RPS6KA2: variants seen among roughly 807,000 people sequenced by gnomAD.
RPS6KA2 encodes ribosomal protein S6 kinase A2.
In RPS6KA2, 42 loss-of-function variants were observed where a neutral mutation model predicts 91.8. That is an observed-to-expected ratio of 0.46 (90% confidence interval 0.36 to 0.59). RPS6KA2 has a LOEUF of 0.59. Ranked by LOEUF, RPS6KA2 falls within the 20% of genes least tolerant of loss-of-function variation. RPS6KA2 has a pLI of 0.00. For missense variants in RPS6KA2, 798 were observed against 978.5 expected (o/e 0.82, Z 2.46); for synonymous variants, 414 against 393.6 (o/e 1.05, Z -0.61).
intron 10 of RPS6KA2, among the ~76,000 whole-genome samples, chr6:166,476,652 T>A (rs892294317): frequency 6.7e-6 from 1 of 148,870 alleles, no homozygotes; most frequent in Non-Finnish European, 1.5e-5. Flanking sequence ...GCAGAGAGGG[T>A]CCCCTCTCTC....
intron 2 of RPS6KA2, among the ~76,000 whole-genome samples, chr6:166,773,953 T>C (rs1034469223): frequency 6.6e-6 from 1 of 152,210 alleles, no homozygotes; most frequent in Non-Finnish European, 1.5e-5. Flanking sequence ...CAGACAAATA[T>C]TTTTGTGTGT....
chr6:166,811,582 C>G (rs1355905119), intron 2 of RPS6KA2, among the ~76,000 whole-genome samples: 1 of 152,212 alleles, frequency 6.6e-6, no homozygotes, highest in Non-Finnish European at 1.5e-5. Context: ...TATAATCATG[C>G]TACTGCACTC....
At chr6:166,546,632 T>C (rs1388996186) in intron 1 of RPS6KA2, among the ~76,000 whole-genome samples, 1 of 152,170 alleles carries the variant, frequency 6.6e-6, no homozygotes, top group African/African-American at 2.4e-5. Context: ...ACTACAGTCA[T>C]ATCCCAGTGA....
chr6:166,711,918 T>C (rs922231158), intron 2 of RPS6KA2, among the ~76,000 whole-genome samples: 1 of 151,584 alleles, frequency 6.6e-6, no homozygotes, highest in African/African-American at 2.4e-5. Flanking sequence ...GCAAGACTGA[T>C]TGACAGAGAG....
chr6:166,860,983 A>G (rs536852660), intron 1 of RPS6KA2, among the ~76,000 whole-genome samples: 11 of 152,214 alleles, frequency 7.2e-5, no homozygotes, highest in Non-Finnish European at 1.5e-4. Flanking sequence ...CATGAGCAGC[A>G]GTATCTGGGC....
chr6:166,590,152 A>C (rs1785310285), intron 1 of RPS6KA2, among the ~76,000 whole-genome samples: 1 of 152,220 alleles, frequency 6.6e-6, no homozygotes, highest in African/African-American at 2.4e-5. Flanking sequence ...TAAAGACTAA[A>C]TCTATTTGAT....
chr6:166,470,984 G>A (rs564839599), intron 10 of RPS6KA2, among the ~76,000 whole-genome samples: 19 of 152,160 alleles, frequency 1.2e-4, no homozygotes, highest in Non-Finnish European at 1.9e-4. Context: ...GGGCAGTGGC[G>A]GCGGTGGCTG....
At chr6:166,728,371 C>T (rs375011450) in intron 2 of RPS6KA2, among the ~76,000 whole-genome samples, 52 of 152,270 alleles carry the variant, frequency 3.4e-4, no homozygotes, top group African/African-American at 1.1e-3. Context: ...AGGGGTCCCC[C>T]GGGGTCTCGT....
Position 166,418,950 on chromosome 6 carries a change from C to T in RPS6KA2, c.1821-608G>A, listed in dbSNP as rs775730375. Among the ~76,000 whole-genome samples the T allele has an allele frequency of 9.2e-5, 14 of 152,156 alleles. No homozygotes were observed. Among genetic ancestry groups the T allele is most frequent in the South Asian group, 6.2e-4 (3 of 4,834 alleles). ...TGGGAAAGTGTGTGATCTAGTTTTCCGTATAGGCAAAGTGAGTATTAGAAG... is the reference window on the plus strand; with the variant it reads ...TGGGAAAGTGTGTGATCTAGTTTTCTGTATAGGCAAAGTGAGTATTAGAAG... On this transcript the variant is annotated intron_variant, in intron 18 of 20. Coordinates refer to ENST00000265678, the MANE Select transcript of RPS6KA2 (RefSeq NM_021135.6). This position sits in a 1 kb window ranked among gnomAD's most constrained non-coding sequence, Gnocchi z 4.9.
intron 1 of RPS6KA2, among the ~76,000 whole-genome samples, chr6:166,861,267 T>C (rs1781040416): frequency 6.6e-6 from 1 of 152,200 alleles, no homozygotes; most frequent in Non-Finnish European, 1.5e-5. Context: ...TAGGCAAAAA[T>C]TAAATTGGAC....
In RPS6KA2 at chr6:166,500,082, C is replaced by A. The variant is rs1297573526; in HGVS notation, c.604+805G>T. 6.6e-6 allele frequency among the ~76,000 whole-genome samples: 1 copy of A among 152,154 alleles called. No individual in the cohort carries two copies. The highest frequency in any genetic ancestry group is 2.4e-5 in the African/African-American group (1 of 41,424). On this transcript the variant is annotated intron_variant, in intron 7 of 20. Transcript: ENST00000265678. This position sits in a 1 kb window ranked among gnomAD's most constrained non-coding sequence, Gnocchi z 4.3. ...GCCTGCTGGCTTCCACCATGGGGGA[C>A]GCAGCCCAGCCAAGGACTGCGGGCA...
At chr6:166,832,610 C>T (rs1006445921) in intron 2 of RPS6KA2, among the ~76,000 whole-genome samples, 1 of 152,170 alleles carries the variant, frequency 6.6e-6, no homozygotes, top group African/African-American at 2.4e-5. Flanking sequence ...TTCTGAATCC[C>T]TCTCTTAAGA....
intron 1 of RPS6KA2, among the ~76,000 whole-genome samples, chr6:166,556,105 C>G (rs959856142): frequency 2.6e-5 from 4 of 152,168 alleles, no homozygotes; most frequent in African/African-American, 4.8e-5. Context: ...TTATCTGGAG[C>G]TGGTCTTTGG....
At chr6:166,722,648 T>A (rs1000847063) in intron 2 of RPS6KA2, among the ~76,000 whole-genome samples, 1 of 152,260 alleles carries the variant, frequency 6.6e-6, no homozygotes, top group Non-Finnish European at 1.5e-5. Context: ...CCAGGACACC[T>A]TTCTGATGGG....
chr6:166,449,245 C>A (rs570742464), intron 13 of RPS6KA2, among the ~76,000 whole-genome samples: 2 of 152,154 alleles, frequency 1.3e-5, no homozygotes, highest in African/African-American at 4.8e-5. Context: ...AAATCTGACT[C>A]CATGGTGTCC....
rs376358052 is a variant in RPS6KA2 at position 166,580,679 on chromosome 6, C to G, written c.100-41895G>C. Among the ~76,000 whole-genome samples the G allele has an allele frequency of 2.7e-5, 4 of 145,694 alleles. No individual in the cohort carries two copies. The East Asian group carries it at 7.3e-4, about 27-fold the overall frequency. On this transcript the variant is annotated intron_variant, in intron 1 of 20. Coordinates refer to ENST00000265678, the MANE Select transcript of RPS6KA2 (RefSeq NM_021135.6). ...GTCTACCCCACCCCCAACCCCTGAC[C>G]CCCTCAGTGGGTCCCCAGTGAGGAC...
chr6:166,765,061 T>G (rs1778275663), intron 2 of RPS6KA2, among the ~76,000 whole-genome samples: 1 of 133,116 alleles, frequency 7.5e-6, no homozygotes, highest in Non-Finnish European at 1.5e-5. Flanking sequence ...TTCTCCTCCC[T>G]GCCAGCTCCA....
rs73270769 is a variant in RPS6KA2, at chr6:166,852,179, T to C, written c.123+6021A>G. Among the ~76,000 whole-genome samples, 736 of 152,288 alleles carry C rather than the reference T, an allele frequency of 4.8e-3. 12 individuals are homozygous for C. The highest frequency in any genetic ancestry group is 0.017 in the African/African-American group (690 of 41,554). On this transcript the variant is annotated intron_variant, in intron 2 of 21. Transcript: ENST00000503859. This position sits in a 1 kb window ranked among gnomAD's most constrained non-coding sequence, Gnocchi z 4.1. ...TCTTGTCTGCTGGACAGAGAAACAG[T>C]AAGAAATACAAATGCAAATAGACTG...
At chr6:166,431,940 T>C (rs1369155464) in intron 15 of RPS6KA2, among the ~76,000 whole-genome samples, 1 of 152,174 alleles carries the variant, frequency 6.6e-6, no homozygotes, top group East Asian at 1.9e-4. Flanking sequence ...TTCGGGCTAT[T>C]CTTATGCCAA....
Sources: gnomAD v4.1 joint callset for allele counts (sites outside exome capture counted in the v4.1 genomes callset) on GRCh38, gnomAD v4.1.1 for gene constraint, Gnocchi (gnomAD v3.1) non-coding constraint, MANE v1.5 for transcripts, NCBI Gene and HGNC (gene_info 2026-07-23, HGNC 2026-07-21) for gene names.